DZANK1: variants seen among roughly 807,000 people sequenced by gnomAD.
The protein encoded by DZANK1 is double zinc ribbon and ankyrin repeat-containing protein 1.
Under a neutral mutation model 94.5 loss-of-function variants are expected in DZANK1, and 91 were observed. The observed-to-expected ratio is 0.96, with a 90% CI of 0.81 to 1.15. DZANK1 has a LOEUF of 1.15. Ranked by LOEUF, DZANK1 falls within the 50% of genes most tolerant of loss-of-function variation. DZANK1 has a pLI of 0.00. For missense variants in DZANK1, 903 were observed against 916.4 expected (o/e 0.99, Z 0.19); for synonymous variants, 312 against 325.3 (o/e 0.96, Z 0.44).
intron 19 of DZANK1, among the ~76,000 whole-genome samples, chr20:18,385,488 T>C (rs2148110413): frequency 6.6e-6 from 1 of 151,678 alleles, no homozygotes; most frequent in East Asian, 1.9e-4. Context: ...TGATCTCGGC[T>C]CACTGCAACC....
At chr20:18,449,168 T>C in intron 6 of DZANK1, 99 bp from the exon 7 acceptor site, 2 of 942,108 alleles carry the variant, frequency 2.1e-6, no homozygotes, top group Non-Finnish European at 3.3e-6. Context: ...TCATTATGGG[T>C]GAATACACAT....
exon 2 of DZANK1, chr20:18,465,287 A>T (rs754932464): frequency 2.6e-5 from 42 of 1,609,454 alleles, no homozygotes; most frequent in Non-Finnish European, 3.4e-5. Flanking sequence ...TATCAATTTC[A>T]TGGTTAGCTT....
intron 10 of DZANK1, among the ~76,000 whole-genome samples, chr20:18,422,799 C>CTT (rs55683540): frequency 2.1e-4 from 26 of 124,850 alleles, no homozygotes; most frequent in Admixed American, 4.1e-4. Context: ...TGGCTTTGTT[C>CTT]TTTTTTTTTT....
chr20:18,384,628 G>C (rs2048373929), intron 20 of DZANK1, 64 bp from the exon 21 acceptor site: 1 of 1,483,442 alleles, frequency 6.7e-7, no homozygotes, highest in African/African-American at 1.4e-5. Flanking sequence ...CTAAGAGCTT[G>C]ACTCTACCCT....
chr20:18,413,067 A>G (rs1203325989), intron 12 of DZANK1: 10 of 587,950 alleles, frequency 1.7e-5, no homozygotes, highest in South Asian at 1.1e-4. Context: ...TTATTATCTA[A>G]AAGTCAGCAA....
At chr20:18,421,995 T>C (rs6081133) in intron 10 of DZANK1, among the ~76,000 whole-genome samples, 40,127 of 152,140 alleles carry the variant, frequency 0.26, 5,647 homozygotes, top group South Asian at 0.35. Flanking sequence ...ACATATTTTC[T>C]TCCATTCTGT....
intron 3 of DZANK1, among the ~76,000 whole-genome samples, chr20:18,455,810 C>G (rs1410662372): frequency 6.6e-6 from 1 of 152,164 alleles, no homozygotes; most frequent in African/African-American, 2.4e-5. Flanking sequence ...GTCCCTCCCT[C>G]TCTCTCTCAT....
intron 10 of DZANK1, chr20:18,420,388 G>T: frequency 6.1e-6 from 1 of 165,130 alleles, no homozygotes; most frequent in South Asian, 1.7e-4. Context: ...ACTGCCACTT[G>T]ACAAACCTAG....
At chr20:18,432,777 C>T (rs2058335303) in intron 9 of DZANK1, 1 of 151,958 alleles carries the variant, frequency 6.6e-6, no homozygotes, top group Admixed American at 6.6e-5. Flanking sequence ...GTGACCTTTA[C>T]TTGGGATTAA....
At chr20:18,433,475 G>A (rs2058368690) in intron 9 of DZANK1, 177 bp downstream of exon 9, 1 of 573,118 alleles carries the variant, frequency 1.7e-6, no homozygotes. Flanking sequence ...TGAGGAGGCG[G>A]AGGTTGCAGT....
At chr20:18,399,762 C>T (rs1351859572) in intron 13 of DZANK1, among the ~76,000 whole-genome samples, 2 of 152,196 alleles carry the variant, frequency 1.3e-5, no homozygotes, top group East Asian at 3.9e-4. Context: ...CTGGGCTCAC[C>T]TTCCCACACA....
exon 21 of DZANK1, chr20:18,383,603 G>A (rs2048313747): frequency 6.6e-6 from 1 of 152,276 alleles, no homozygotes; most frequent in Non-Finnish European, 1.5e-5. Context: ...ATGTGCTACA[G>A]ACATGTTTAT....
intron 10 of DZANK1, 109 bp from the exon 11 acceptor site, chr20:18,415,558 G>GT: frequency 8.2e-7 from 1 of 1,212,638 alleles, no homozygotes; most frequent in African/African-American, 1.6e-5. Context: ...CCCGGAAATA[G>GT]TGTTTTTTTT....
intron 14 of DZANK1, 162 bp downstream of exon 14, chr20:18,398,361 T>C (rs2056474247): frequency 1.6e-6 from 1 of 624,814 alleles, no homozygotes; most frequent in Non-Finnish European, 2.8e-6. Context: ...GCAAGTGATT[T>C]ATTAGAGCAG....
chr20:18,398,321 C>A, intron 14 of DZANK1: 2 of 556,572 alleles, frequency 3.6e-6, no homozygotes, highest in Non-Finnish European at 3.2e-6. Context: ...TCAGGTGCCC[C>A]AGAAGCAGAC....
chr20:18,424,179 G>T (rs925292276), intron 10 of DZANK1, among the ~76,000 whole-genome samples: 1 of 152,224 alleles, frequency 6.6e-6, no homozygotes, highest in Non-Finnish European at 1.5e-5. Flanking sequence ...GCCGGGCGCG[G>T]TGGCTCATGC....
At chr20:18,410,554 A>G (rs1464372375) in intron 13 of DZANK1, among the ~76,000 whole-genome samples, 1 of 152,268 alleles carries the variant, frequency 6.6e-6, no homozygotes, top group African/African-American at 2.4e-5. Context: ...AAGCAAAATG[A>G]TAAGTCCAAC....
intron 20 of DZANK1, 107 bp downstream of exon 20, chr20:18,384,909 G>T: frequency 9.2e-7 from 1 of 1,085,996 alleles, no homozygotes; most frequent in Non-Finnish European, 1.3e-6. Context: ...GGTCCCCATG[G>T]ACAGGGACAG....
chr20:18,409,845 G>A (rs1413798005), intron 13 of DZANK1, among the ~76,000 whole-genome samples: 1 of 152,076 alleles, frequency 6.6e-6, no homozygotes, highest in Non-Finnish European at 1.5e-5. Context: ...CAAGGCGGGT[G>A]GATCACGAGG....
Sources: allele counts gnomAD v4.1 joint callset (sites outside exome capture counted in the v4.1 genomes callset), GRCh38; gene constraint gnomAD v4.1.1; transcripts MANE v1.5; gene names NCBI Gene and HGNC (gene_info 2026-07-23, HGNC 2026-07-21).